The following CAMK1D variants were observed in gnomAD, a reference collection of about 807,000 sequenced individuals.
CAMK1D encodes the protein calcium/calmodulin-dependent protein kinase type 1D.
Under a neutral mutation model 47.7 loss-of-function variants are expected in CAMK1D, and 9 were observed. That is an observed-to-expected ratio of 0.19 (90% CI 0.11 to 0.33). The LOEUF is 0.33. Ranked by LOEUF, CAMK1D falls within the 10% of genes least tolerant of loss-of-function variation. CAMK1D has a pLI of 1.00. For synonymous variants in CAMK1D, 184 were observed against 184.9 expected, an observed-to-expected ratio of 0.99 and a Z score of 0.04; for missense variants, 291 against 488.7, an observed-to-expected ratio of 0.60 and a Z score of 3.81.
At chr10:12,828,369 G>A (rs149510074) in intron 10 of CAMK1D, among the ~76,000 whole-genome samples, 94 of 151,954 alleles carry the variant, frequency 6.2e-4, no homozygotes, top group African/African-American at 2.1e-3. Context: ...AGTTGGGCGC[G>A]GTGGCTCACA....
intron 1 of CAMK1D, among the ~76,000 whole-genome samples, chr10:12,436,920 C>T (rs185560549): frequency 1.3e-5 from 2 of 152,126 alleles, no homozygotes; most frequent in South Asian, 2.1e-4. Context: ...TTTATCACAG[C>T]GAAAGGACTT....
intron 1 of CAMK1D, among the ~76,000 whole-genome samples, chr10:12,402,884 G>A (rs900659068): frequency 9.9e-5 from 15 of 152,036 alleles, no homozygotes; most frequent in Non-Finnish European, 2.1e-4. Flanking sequence ...GTGGGCAAAA[G>A]GTGATGAGTT....
intron 3 of CAMK1D, among the ~76,000 whole-genome samples, chr10:12,743,320 C>G (rs1324152433): frequency 2.1e-5 from 3 of 144,462 alleles, no homozygotes; most frequent in African/African-American, 7.9e-5. Context: ...GTCCTCCAGC[C>G]TGGGTGACAG....
intron 5 of CAMK1D, among the ~76,000 whole-genome samples, chr10:12,788,576 G>A (rs972564166): frequency 3.3e-5 from 5 of 152,220 alleles, no homozygotes; most frequent in Admixed American, 6.5e-5. Flanking sequence ...GGCTGGCCCC[G>A]GATGGTCCTT....
intron 6 of CAMK1D, among the ~76,000 whole-genome samples, chr10:12,793,893 G>A (rs1838085316): frequency 6.6e-6 from 1 of 152,242 alleles, no homozygotes; most frequent in Non-Finnish European, 1.5e-5. Context: ...AGCATGGCTA[G>A]ATAGTATCAA....
intron 1 of CAMK1D, among the ~76,000 whole-genome samples, chr10:12,474,199 C>CTT (rs35554522): frequency 0.03 from 3,530 of 119,274 alleles, 141 homozygotes; most frequent in South Asian, 0.08. Context: ...GAGGATCGTT[C>CTT]TTTTTTTTTT....
chr10:12,708,005 T>C (rs1833792896), intron 3 of CAMK1D, among the ~76,000 whole-genome samples: 1 of 152,246 alleles, frequency 6.6e-6, no homozygotes, highest in African/African-American at 2.4e-5. Flanking sequence ...TGATAGACTT[T>C]GCCTAAGAGT....
intron 2 of CAMK1D, among the ~76,000 whole-genome samples, chr10:12,615,596 G>T (rs895708445): frequency 1.4e-5 from 2 of 145,024 alleles, no homozygotes; most frequent in Non-Finnish European, 3.0e-5. Context: ...GGTGTGTATT[G>T]TGTTTGCAAG....
At chr10:12,551,653 G>T (rs1279497515) in intron 1 of CAMK1D, among the ~76,000 whole-genome samples, 1 of 152,074 alleles carries the variant, frequency 6.6e-6, no homozygotes. Context: ...CAGGAGAATC[G>T]CTTGAACCTG....
At chr10:12,601,193 GTT>G (rs770880351) in intron 2 of CAMK1D, among the ~76,000 whole-genome samples, 5 of 43,902 alleles carry the variant, frequency 1.1e-4, no homozygotes, top group Non-Finnish European at 1.9e-4. Context: ...TTGTTTGTTT[GTT>G]TTTTTTTTTT....
At chr10:12,707,689 G>C (rs1362862105) in intron 3 of CAMK1D, among the ~76,000 whole-genome samples, 4 of 152,194 alleles carry the variant, frequency 2.6e-5, no homozygotes, top group Non-Finnish European at 4.4e-5. Flanking sequence ...ATAGTTTCTT[G>C]TCTCTAATCT....
At chr10:12,385,739 CT>C (rs71384318) in intron 1 of CAMK1D, among the ~76,000 whole-genome samples, 24,769 of 100,148 alleles carry the variant, frequency 0.25, 2,563 homozygotes, top group East Asian at 0.34. Flanking sequence ...TTGAATTGTA[CT>C]TTTTTTTTTT....
intron 5 of CAMK1D, among the ~76,000 whole-genome samples, chr10:12,789,975 A>G (rs1837906295): frequency 6.6e-6 from 1 of 152,256 alleles, no homozygotes; most frequent in African/African-American, 2.4e-5. Context: ...AGTGCCAGCT[A>G]TGCCAGACGC....
chr10:12,607,936 A>G (rs1015739259), intron 2 of CAMK1D, among the ~76,000 whole-genome samples: 1 of 152,000 alleles, frequency 6.6e-6, no homozygotes, highest in Admixed American at 6.6e-5. Context: ...GCTCCAGCCT[A>G]GGTGACAGAG....
chr10:12,669,557 G>T (rs1256724813), intron 3 of CAMK1D, among the ~76,000 whole-genome samples: 2 of 152,054 alleles, frequency 1.3e-5, no homozygotes, highest in African/African-American at 4.8e-5. Context: ...TTACATACGA[G>T]TCACTGTATC....
chr10:12,511,805 G>A lies in CAMK1D; in HGVS notation c.93-41420G>A, dbSNP rs557879942. Among the ~76,000 whole-genome samples, 8 of 152,358 alleles carry A rather than the reference G, an allele frequency of 5.3e-5. No homozygotes were observed. The East Asian group carries it at 1.5e-3, about 29-fold the overall frequency. ...GATCGGCTCTCCTGGATAGACACGA[G>A]ACTTTCTTTCCACTACAGTGATCAT... On this transcript the variant is annotated intron_variant, in intron 1 of 10. Transcript: ENST00000619168.
intron 2 of CAMK1D, among the ~76,000 whole-genome samples, chr10:12,640,788 AC>A (rs1839643235): frequency 1.3e-5 from 2 of 151,968 alleles, no homozygotes; most frequent in Admixed American, 1.3e-4. Context: ...CTCAGCCTTT[AC>A]CCCAGTGAAT....
chr10:12,577,435 A>G (rs1327337861), intron 2 of CAMK1D, among the ~76,000 whole-genome samples: 1 of 152,226 alleles, frequency 6.6e-6, no homozygotes, highest in Admixed American at 6.5e-5. Context: ...AAGCACTGAA[A>G]CATTGCAGAG....
At chr10:12,596,938 T>G (rs1838163465) in intron 2 of CAMK1D, among the ~76,000 whole-genome samples, 1 of 152,146 alleles carries the variant, frequency 6.6e-6, no homozygotes, top group Non-Finnish European at 1.5e-5. Context: ...GCAAAGTTCC[T>G]GTCTTTGCTT....
Sources: gnomAD v4.1 joint callset for allele counts (sites outside exome capture counted in the v4.1 genomes callset) on GRCh38, gnomAD v4.1.1 for gene constraint, MANE v1.5 for transcripts, NCBI Gene and HGNC (gene_info 2026-07-23, HGNC 2026-07-21) for gene names.